The following PLPPR1 variants were observed in gnomAD, a reference collection of about 807,000 sequenced individuals.
The protein encoded by PLPPR1 is phospholipid phosphatase related 1, also known as phospholipid phosphatase-related protein type 1.
PLPPR1 carries 10 observed loss-of-function variants against 33.1 expected under a neutral mutation model. The ratio of observed to expected loss-of-function variants is 0.30; its 90% confidence interval spans 0.19 to 0.51. The LOEUF is 0.51. Ranked by LOEUF, PLPPR1 falls within the 20% of genes least tolerant of loss-of-function variation. The pLI, the probability that PLPPR1 is intolerant of heterozygous loss-of-function variation, is 0.97. For synonymous variants in PLPPR1, 151 were observed against 151.0 expected (o/e 1.00, Z 0.00); for missense variants, 304 against 408.1 (o/e 0.74, Z 2.20).
chr9:101,169,579 G>T (rs1421121444), intron 1 of PLPPR1, among the ~76,000 whole-genome samples: 1 of 151,818 alleles, frequency 6.6e-6, no homozygotes, highest in African/African-American at 2.4e-5. Context: ...TTTTGTGGTT[G>T]GCATCATTCT....
chr9:101,239,656 G>A (rs1243775104), intron 2 of PLPPR1, among the ~76,000 whole-genome samples: 3 of 151,984 alleles, frequency 2.0e-5, no homozygotes, highest in African/African-American at 7.2e-5. Flanking sequence ...GCATTTCCAT[G>A]GTAACTAGGG....
intron 1 of PLPPR1, among the ~76,000 whole-genome samples, chr9:101,153,937 C>G (rs1831637189): frequency 6.6e-6 from 1 of 152,096 alleles, no homozygotes; most frequent in Non-Finnish European, 1.5e-5. Context: ...TGAATTTTGT[C>G]AAAGGCCTTT....
intron 1 of PLPPR1, among the ~76,000 whole-genome samples, chr9:101,113,785 A>C (rs549273099): frequency 1.4e-4 from 21 of 152,282 alleles, no homozygotes; most frequent in African/African-American, 4.8e-4. Context: ...TCACAAGAAA[A>C]CTTTTAAAAA....
At chr9:101,292,168 A>G (rs981697011) in intron 4 of PLPPR1, among the ~76,000 whole-genome samples, 3 of 152,222 alleles carry the variant, frequency 2.0e-5, no homozygotes, top group African/African-American at 7.2e-5. Context: ...AGCCGACGCA[A>G]TCAACTGGAA....
chr9:101,042,772 T>A (rs1268532056), intron 1 of PLPPR1, among the ~76,000 whole-genome samples: 2 of 152,224 alleles, frequency 1.3e-5, no homozygotes, highest in South Asian at 2.1e-4. Context: ...TAAACATTTT[T>A]AAAATGGGAA....
At chr9:101,167,408 T>C (rs1430369415) in intron 1 of PLPPR1, among the ~76,000 whole-genome samples, 1 of 151,306 alleles carries the variant, frequency 6.6e-6, no homozygotes, top group Non-Finnish European at 1.5e-5. Context: ...GGCTGTCTAA[T>C]ATACTGGAAC....
chr9:101,274,186 G>A (rs935477992), intron 3 of PLPPR1, among the ~76,000 whole-genome samples: 1 of 152,092 alleles, frequency 6.6e-6, no homozygotes, highest in African/African-American at 2.4e-5. Context: ...TGATAATACT[G>A]ACAAACCCCC....
chr9:101,318,745 G>A (rs1006722422), intron 7 of PLPPR1, among the ~76,000 whole-genome samples: 2 of 151,694 alleles, frequency 1.3e-5, no homozygotes, highest in Admixed American at 1.3e-4. Context: ...CTGCACTCTA[G>A]GCTGGGTGAC....
chr9:101,284,592 T>C (rs1564026548), intron 3 of PLPPR1, among the ~76,000 whole-genome samples: 1 of 152,218 alleles, frequency 6.6e-6, no homozygotes, highest in Non-Finnish European at 1.5e-5. Flanking sequence ...GTACATACAC[T>C]TTAATGCATG....
chr9:101,049,443 T>G (rs1405611228), intron 1 of PLPPR1, among the ~76,000 whole-genome samples: 12 of 152,232 alleles, frequency 7.9e-5, no homozygotes, highest in Non-Finnish European at 2.9e-5. Context: ...ATGTTCATTA[T>G]CCTTTGGCAG....
chr9:101,236,167 G>T lies in PLPPR1; in HGVS notation c.64-33713G>T, dbSNP rs571197379. On this transcript the variant is annotated intron_variant, in intron 2 of 7. Transcript: ENST00000374874. ...TCAAGTAATTGCCAGGGTTGTGCTT[G>T]GTTTTCCCTAGCAATAGAAAACACA... Among the ~76,000 whole-genome samples the T allele has an allele frequency of 8.6e-5, 13 of 151,640 alleles. No homozygotes were observed. In the East Asian group the frequency reaches 2.1e-3, roughly 25 times the overall value.
chr9:101,214,153 A>G (rs1216840189), intron 2 of PLPPR1, among the ~76,000 whole-genome samples: 2 of 152,222 alleles, frequency 1.3e-5, no homozygotes, highest in Admixed American at 6.5e-5. Flanking sequence ...TGAAGGACTG[A>G]AGGACTGAGG....
intron 3 of PLPPR1, among the ~76,000 whole-genome samples, chr9:101,274,081 G>A (rs984967186): frequency 1.3e-5 from 2 of 152,190 alleles, no homozygotes; most frequent in Non-Finnish European, 2.9e-5. Context: ...TCCCATGGAA[G>A]TCAATGTGAT....
chr9:101,127,614 C>G (rs1196431686), intron 1 of PLPPR1, among the ~76,000 whole-genome samples: 1 of 152,180 alleles, frequency 6.6e-6, no homozygotes, highest in African/African-American at 2.4e-5. Flanking sequence ...GAGCAAAGAG[C>G]CAGCAAGTCT....
intron 2 of PLPPR1, among the ~76,000 whole-genome samples, chr9:101,196,415 A>T (rs1304864662): frequency 1.3e-5 from 2 of 152,222 alleles, no homozygotes; most frequent in Admixed American, 1.3e-4. Flanking sequence ...ATCTTACAGA[A>T]ATAATCATGA....
intron 2 of PLPPR1, among the ~76,000 whole-genome samples, chr9:101,195,653 A>T (rs1472332371): frequency 6.6e-6 from 1 of 152,102 alleles, no homozygotes; most frequent in Non-Finnish European, 1.5e-5. Context: ...TGACAGTCCT[A>T]GTGACAACCA....
Position 101,080,310 on chromosome 9 carries a change from C to T in PLPPR1, c.-46+51208C>T, listed in dbSNP as rs573916947. On this transcript the variant is annotated intron_variant, in intron 1 of 7. Coordinates refer to ENST00000374874, the MANE Select transcript of PLPPR1 (RefSeq NM_207299.2). ...TAATTCCAGCATTTTGGGAGGCTAC[C>T]CTAAGAGTTCAAGACCAGCCCGGCT... Among the ~76,000 whole-genome samples the T allele has an allele frequency of 2.4e-3, 371 of 152,044 alleles. 2 individuals carry two copies. Among genetic ancestry groups the T allele is most frequent in the Non-Finnish European group, 4.5e-3 (303 of 67,966 alleles).
chr9:101,124,507 C>T (rs1450050445), intron 1 of PLPPR1, among the ~76,000 whole-genome samples: 1 of 152,128 alleles, frequency 6.6e-6, no homozygotes, highest in African/African-American at 2.4e-5. Flanking sequence ...TCATTCATCT[C>T]CTGCAAAAAC....
intron 1 of PLPPR1, among the ~76,000 whole-genome samples, chr9:101,040,806 A>G (rs1305973916): frequency 6.6e-6 from 1 of 152,176 alleles, no homozygotes; most frequent in African/African-American, 2.4e-5. Context: ...CTATGTAAGC[A>G]TCATAAGATG....
Sources: gnomAD v4.1 joint callset for allele counts (sites outside exome capture counted in the v4.1 genomes callset) on GRCh38, gnomAD v4.1.1 for gene constraint, MANE v1.5 for transcripts, NCBI Gene and HGNC (gene_info 2026-07-23, HGNC 2026-07-21) for gene names.